TENM3: variants seen among roughly 807,000 people sequenced by gnomAD.
The protein encoded by TENM3 is teneurin transmembrane protein 3.
A neutral mutation model predicts 255.1 loss-of-function variants in TENM3; 63 were observed. The observed-to-expected ratio is 0.25, with a 90% CI of 0.20 to 0.30. TENM3 has a LOEUF of 0.30. Ranked by LOEUF, TENM3 falls within the 10% of genes least tolerant of loss-of-function variation. TENM3 has a pLI of 1.00. For missense variants in TENM3, 2,929 were observed against 3,461.1 expected (o/e 0.85, Z 3.86); for synonymous variants, 1,306 against 1,322.3 (o/e 0.99, Z 0.27).
At chr4:182,424,783 A>G (rs1771084114) in intron 3 of TENM3, among the ~76,000 whole-genome samples, 2 of 152,210 alleles carry the variant, frequency 1.3e-5, no homozygotes, top group Non-Finnish European at 2.9e-5. Context: ...TTTTAAAGCA[A>G]TTGAGGTTAA....
intron 12 of TENM3, among the ~76,000 whole-genome samples, chr4:182,701,235 T>TTTTTTTTTTTTTC (rs1757845348): frequency 9.3e-6 from 1 of 107,894 alleles, no homozygotes; most frequent in Non-Finnish European, 1.8e-5. Context: ...TTTTTTTTTT[T>TTTTTTTTTTTTTC]TTTGAGACAG....
At chr4:182,038,265 T>C in the TENM3 span, among the ~76,000 whole-genome samples, 1 of 152,174 alleles carries the variant, frequency 6.6e-6, no homozygotes, top group African/African-American at 2.4e-5. Context: ...CTGTTCCTGG[T>C]CTAAAAAGCA....
chr4:181,990,285 T>C, the TENM3 span, among the ~76,000 whole-genome samples: 3 of 152,154 alleles, frequency 2.0e-5, no homozygotes, highest in Non-Finnish European at 4.4e-5. Context: ...AAAATGTTGC[T>C]GGAAATGTCT....
chr4:181,449,331 G>A, the TENM3 span, among the ~76,000 whole-genome samples: 1 of 152,146 alleles, frequency 6.6e-6, no homozygotes, highest in African/African-American at 2.4e-5. Context: ...CTGTGATCCT[G>A]AGATGTGGCT....
intron 2 of TENM3, among the ~76,000 whole-genome samples, chr4:182,344,419 T>C (rs1764670049): frequency 6.6e-6 from 1 of 152,070 alleles, no homozygotes; most frequent in Admixed American, 6.6e-5. Flanking sequence ...GAAGTATTTA[T>C]GGAGTTTGGG....
chr4:182,230,812 C>CCATATATA (rs1491106795), intron 1 of TENM3, among the ~76,000 whole-genome samples: 1 of 58,058 alleles, frequency 1.7e-5, no homozygotes, highest in African/African-American at 8.1e-5. Flanking sequence ...GTTTCTCAAA[C>CCATATATA]TATATATATA....
At position 182,161,917 on chromosome 4, in the gene TENM3, A is replaced by ATG. The variant is rs1430401272; in HGVS notation, c.-76+17167_-76+17168dup. On this transcript the variant is annotated intron_variant, in intron 1 of 2. Coordinates refer to the TENM3 transcript ENST00000512480. ...TATGTGTATATATACACACACATGT[A>ATG]TGTGTATATATATACACATATATAT... 1.3e-4 allele frequency among the ~76,000 whole-genome samples: 8 copies of ATG among 63,302 alleles called. 2 individuals carry two copies. The highest frequency in any genetic ancestry group is 1.9e-4 in the Non-Finnish European group (6 of 31,344). 41.5% of individuals were successfully genotyped at this position (63,302 alleles called of 152,430 possible). A position where few individuals can be genotyped will look rare whatever the true frequency, so the allele number is the denominator to read the frequency against.
At chr4:181,703,082 G>C in the TENM3 span, among the ~76,000 whole-genome samples, 6 of 152,326 alleles carry the variant, frequency 3.9e-5, no homozygotes, top group Admixed American at 2.0e-4. Flanking sequence ...GTATCTTGAT[G>C]AGGATCACAC....
At chr4:182,671,244 C>T (rs1755191906) in intron 6 of TENM3, among the ~76,000 whole-genome samples, 2 of 152,146 alleles carry the variant, frequency 1.3e-5, no homozygotes, top group African/African-American at 2.4e-5. Context: ...TTAGTATCTT[C>T]CTTAAGGTCA....
chr4:182,788,901 G>T (rs1287539129), intron 24 of TENM3, among the ~76,000 whole-genome samples, 192 bp from the exon 25 acceptor site: 1 of 152,146 alleles, frequency 6.6e-6, no homozygotes, highest in Non-Finnish European at 1.5e-5. Context: ...ACAAATGCCA[G>T]GCTGTCTTTC....
chr4:182,037,427 C>T, the TENM3 span, among the ~76,000 whole-genome samples: 2 of 152,140 alleles, frequency 1.3e-5, no homozygotes, highest in East Asian at 1.9e-4. Flanking sequence ...GGATTACAGG[C>T]GTGAGCCACC....
At position 182,789,300 on chromosome 4, in the gene TENM3, A is replaced by G. The variant is rs1194394808; in HGVS notation, c.5512A>G (p.Ser1838Gly). ...QIASIQRGTTSEKVDYDGQGR... is the reference protein window; with the variant it reads ...QIASIQRGTTGEKVDYDGQGR... ...TGCCAGCATCCAGCGAGGCACCACT[A>G]GCGAGAAAGTAGATTATGACGGACA... The change falls in exon 25 of 28, where the codon AGC becomes GGC. Residue 1838 changes from serine (S) to glycine (G), a missense_variant. By Grantham distance (56) the Ser-to-Gly change is moderately conservative. Coordinates refer to ENST00000511685, the MANE Select transcript of TENM3 (RefSeq NM_001080477.4). The surrounding 1 kb of genome is among the most constrained non-coding windows in gnomAD (Gnocchi z 4.4). 2 of 1,613,854 alleles carry G rather than the reference A, an allele frequency of 1.2e-6. No individual in the cohort carries two copies. The highest frequency in any genetic ancestry group is 1.7e-5 in the Admixed American group (1 of 60,012).
chr4:182,499,392 C>T lies in TENM3; in HGVS notation c.512-101532C>T, dbSNP rs188376449. 2.0e-5 allele frequency among the ~76,000 whole-genome samples: 3 copies of T among 152,310 alleles called. No homozygotes were observed. The East Asian group carries it at 5.8e-4, about 29-fold the overall frequency. On this transcript the variant is annotated intron_variant, in intron 3 of 27. Transcript: ENST00000511685. Reference sequence around the variant, plus strand: ...GTCTCACAGGAGTTCTAGCAGAGGCCTTCCCCAACAACACAGAACTGAGAA... The same window carrying T: ...GTCTCACAGGAGTTCTAGCAGAGGCTTTCCCCAACAACACAGAACTGAGAA...
At chr4:182,191,206 C>T (rs1370894948) in intron 1 of TENM3, among the ~76,000 whole-genome samples, 2 of 152,304 alleles carry the variant, frequency 1.3e-5, no homozygotes, top group Admixed American at 6.5e-5. Flanking sequence ...CATTCATTTA[C>T]GTAAAGATTG....
chr4:181,668,442 G>A, the TENM3 span, among the ~76,000 whole-genome samples: 12,433 of 152,232 alleles, frequency 0.082, 1,380 homozygotes, highest in African/African-American at 0.26. Flanking sequence ...CCAGAAGTCT[G>A]AGGTCAAGGT....
chr4:181,668,627 T>C, the TENM3 span, among the ~76,000 whole-genome samples: 1 of 152,128 alleles, frequency 6.6e-6, no homozygotes, highest in Non-Finnish European at 1.5e-5. Context: ...ATGCCAGGAA[T>C]GTTGTACTAG....
intron 3 of TENM3, among the ~76,000 whole-genome samples, chr4:182,427,666 C>T (rs1771326491): frequency 6.6e-6 from 1 of 152,124 alleles, no homozygotes; most frequent in African/African-American, 2.4e-5. Context: ...ATACAGAGGT[C>T]AGTCTTGAGT....
the TENM3 span, among the ~76,000 whole-genome samples, chr4:181,613,530 G>T: frequency 6.6e-6 from 1 of 152,214 alleles, no homozygotes; most frequent in Non-Finnish European, 1.5e-5. Flanking sequence ...TATCAGCAGA[G>T]TTAAGGTCTA....
chr4:181,794,050 G>A, the TENM3 span, among the ~76,000 whole-genome samples: 1 of 152,082 alleles, frequency 6.6e-6, no homozygotes, highest in Non-Finnish European at 1.5e-5. Context: ...TCAAAAACAA[G>A]CTTCGCAACA....
Sources: gnomAD v4.1 joint callset for allele counts (sites outside exome capture counted in the v4.1 genomes callset) on GRCh38, gnomAD v4.1.1 for gene constraint, Gnocchi (gnomAD v3.1) non-coding constraint, MANE v1.5 for transcripts, NCBI Gene and HGNC (gene_info 2026-07-23, HGNC 2026-07-21) for gene names.